LPP: variants seen among roughly 807,000 people sequenced by gnomAD.
LPP encodes lipoma-preferred partner.
Under a neutral mutation model 60.4 loss-of-function variants are expected in LPP, and 38 were observed. The ratio of observed to expected loss-of-function variants is 0.63; its 90% CI spans 0.49 to 0.83. The LOEUF (loss-of-function observed/expected upper bound fraction) is 0.83, where lower values mean the gene tolerates loss of function less well. LPP is among the 40% of genes least tolerant of loss of function. The pLI is 0.00. For missense variants in LPP, 902 were observed against 783.6 expected, an observed-to-expected ratio of 1.15 and a Z score of -1.80; for synonymous variants, 328 against 290.8, an observed-to-expected ratio of 1.13 and a Z score of -1.30.
Position 188,719,464 on chromosome 3 carries a change from C to T in LPP, c.1240+11071C>T, listed in dbSNP as rs185146784. The stretch of plus-strand genomic sequence containing the variant: ...CAGCAGACATCCAGTCATTCAGCTG[C>T]GTTAGGATCACTATCTCTTTATCAG... On this transcript the variant is annotated intron_variant, in intron 8 of 11. Coordinates refer to ENST00000617246, the MANE Select transcript of LPP (RefSeq NM_001375462.1). 2.6e-5 allele frequency among the ~76,000 whole-genome samples: 4 copies of T among 152,220 alleles called. 1 individual carries two copies. The highest frequency in any genetic ancestry group is 5.9e-5 in the Non-Finnish European group (4 of 68,018).
chr3:188,540,346 C>T (rs977078319), intron 6 of LPP, among the ~76,000 whole-genome samples: 17 of 152,054 alleles, frequency 1.1e-4, no homozygotes, highest in Non-Finnish European at 2.1e-4. Context: ...TTTTAACATT[C>T]GGTTGGAGTT....
chr3:188,815,054 G>T (rs1374953271), intron 9 of LPP, among the ~76,000 whole-genome samples: 1 of 152,178 alleles, frequency 6.6e-6, no homozygotes, highest in Non-Finnish European at 1.5e-5. Flanking sequence ...CACAATAAAA[G>T]CTTAATAAAT....
chr3:188,557,793 A>G (rs1444166199), intron 6 of LPP, among the ~76,000 whole-genome samples: 2 of 152,104 alleles, frequency 1.3e-5, no homozygotes, highest in Admixed American at 1.3e-4. Flanking sequence ...CAGAATGTGC[A>G]TATGAATGTT....
At chr3:188,351,260 C>G (rs1765750509) in intron 3 of LPP, among the ~76,000 whole-genome samples, 1 of 152,160 alleles carries the variant, frequency 6.6e-6, no homozygotes, top group Admixed American at 6.5e-5. Flanking sequence ...GGATATGAGA[C>G]TTATAGGCTT....
chr3:188,249,794 C>T (rs1577556823), intron 2 of LPP, among the ~76,000 whole-genome samples: 1 of 150,022 alleles, frequency 6.7e-6, no homozygotes, highest in East Asian at 2.0e-4. Flanking sequence ...TTATCATCCT[C>T]CCCCTTCCTC....
At chr3:188,401,813 T>C (rs1252634641) in intron 3 of LPP, among the ~76,000 whole-genome samples, 1 of 152,204 alleles carries the variant, frequency 6.6e-6, no homozygotes, top group Non-Finnish European at 1.5e-5. Context: ...GACAACAGTA[T>C]GTAGATGCTG....
At chr3:188,285,462 A>G (rs1255145304) in intron 2 of LPP, among the ~76,000 whole-genome samples, 5 of 152,110 alleles carry the variant, frequency 3.3e-5, no homozygotes, top group Non-Finnish European at 7.3e-5. Flanking sequence ...TGTGCTGTCC[A>G]GGGTGGAGTG....
At chr3:188,523,296 A>G (rs1819528280) in intron 5 of LPP, among the ~76,000 whole-genome samples, 1 of 152,320 alleles carries the variant, frequency 6.6e-6, no homozygotes, top group South Asian at 2.1e-4. Context: ...CCACAACTTC[A>G]TAGACAGTTG....
At chr3:188,331,662 T>C (rs960344122) in intron 2 of LPP, among the ~76,000 whole-genome samples, 3 of 152,166 alleles carry the variant, frequency 2.0e-5, no homozygotes, top group African/African-American at 7.2e-5. Flanking sequence ...TCTTGGTGCT[T>C]TCCCCATTTC....
chr3:188,650,322 T>C (rs1305055577), intron 7 of LPP, among the ~76,000 whole-genome samples: 2 of 152,182 alleles, frequency 1.3e-5, no homozygotes, highest in Non-Finnish European at 2.9e-5. Context: ...ATGCTGAAAA[T>C]GATTTTTTTG....
Position 188,370,900 on chromosome 3 carries a change from T to C in LPP, c.-10+29181T>C, listed in dbSNP as rs115333979. Among the ~76,000 whole-genome samples the C allele has an allele frequency of 3.9e-3, 591 of 152,344 alleles. 3 individuals are homozygous for C. Among genetic ancestry groups the C allele is most frequent in the Middle Eastern group, 0.01 (3 of 294 alleles). On this transcript the variant is annotated intron_variant, in intron 3 of 11. Transcript: ENST00000617246. ...GTCTCTTGGCTGTCGCAGCTTTGTT[T>C]TGCTTTGCCATTGTTTTATTTTATT...
intron 5 of LPP, among the ~76,000 whole-genome samples, chr3:188,507,559 C>T (rs886631348): frequency 6.6e-6 from 1 of 151,890 alleles, no homozygotes; most frequent in Admixed American, 6.6e-5. Context: ...ACCCACTAGG[C>T]ACAGATTCCT....
chr3:188,875,647 CA>C lies in LPP; in HGVS notation c.*1169del, dbSNP rs3834197. On this transcript the variant is annotated 3_prime_UTR_variant, in exon 12 of 12. Coordinates refer to ENST00000617246, the MANE Select transcript of LPP (RefSeq NM_001375462.1). The stretch of plus-strand genomic sequence containing the variant: ...CTTCTGCAACTGAAATTACATATTG[CA>C]GGAGACATTTTCATATCATCAATGT... 2,166 of 203,568 alleles carry C rather than the reference CA, an allele frequency of 0.011. 19 individuals are homozygous for C. Among genetic ancestry groups the C allele is most frequent in the South Asian group, 0.055 (293 of 5,288 alleles). The allele number at this position is 203,568 out of a possible 1,614,324, so 12.6% of individuals were successfully genotyped here.
intron 4 of LPP, among the ~76,000 whole-genome samples, chr3:188,466,029 C>T (rs1800283203): frequency 6.6e-6 from 1 of 152,076 alleles, no homozygotes; most frequent in South Asian, 2.1e-4. Context: ...CCTGGCAGGG[C>T]AGGAAGAAGG....
intron 9 of LPP, among the ~76,000 whole-genome samples, chr3:188,815,603 A>G (rs987549648): frequency 6.6e-6 from 1 of 152,024 alleles, no homozygotes; most frequent in Non-Finnish European, 1.5e-5. Flanking sequence ...GAACTCCACA[A>G]TGGATTTGTT....
intron 9 of LPP, among the ~76,000 whole-genome samples, chr3:188,770,354 T>C (rs1328092684): frequency 2.1e-5 from 3 of 142,904 alleles, no homozygotes; most frequent in African/African-American, 8.3e-5. Flanking sequence ...ATTTTTTTTT[T>C]TTTTTTTTTT....
chr3:188,751,005 T>C (rs1727897723), intron 8 of LPP, among the ~76,000 whole-genome samples: 1 of 152,196 alleles, frequency 6.6e-6, no homozygotes, highest in African/African-American at 2.4e-5. Flanking sequence ...AGAGTGATTA[T>C]AACCCTTGCT....
At chr3:188,816,767 C>G (rs1322530341) in intron 9 of LPP, among the ~76,000 whole-genome samples, 1 of 152,160 alleles carries the variant, frequency 6.6e-6, no homozygotes, top group East Asian at 1.9e-4. Context: ...GATTTGGGAA[C>G]CCAAGACCAA....
At chr3:188,492,029 A>T (rs1808523367) in intron 5 of LPP, among the ~76,000 whole-genome samples, 1 of 152,054 alleles carries the variant, frequency 6.6e-6, no homozygotes, top group African/African-American at 2.4e-5. Context: ...TGCCACCACT[A>T]CCTTGAAATA....
Sources: allele counts gnomAD v4.1 joint callset (sites outside exome capture counted in the v4.1 genomes callset), GRCh38; gene constraint gnomAD v4.1.1; transcripts MANE v1.5; gene names NCBI Gene and HGNC (gene_info 2026-07-23, HGNC 2026-07-21).